ERAP1: variants seen among roughly 807,000 people sequenced by gnomAD.
The protein encoded by ERAP1 is endoplasmic reticulum aminopeptidase 1.
In ERAP1, 86 loss-of-function variants were observed where a neutral mutation model predicts 103.7. That is an observed-to-expected ratio of 0.83 (90% CI 0.70 to 0.99). The LOEUF is 0.99. Ranked by LOEUF, ERAP1 falls within the 50% of genes least tolerant of loss-of-function variation. The pLI, the probability that ERAP1 is intolerant of heterozygous loss-of-function variation, is 0.00. For synonymous variants in ERAP1, 398 were observed against 402.4 expected (o/e 0.99, Z 0.13); for missense variants, 1,009 against 1,128.4 (o/e 0.89, Z 1.52).
chr5:96,879,983 T>G, the ERAP1 span: 5 of 1,614,190 alleles, frequency 3.1e-6, no homozygotes, highest in Non-Finnish European at 4.2e-6. Flanking sequence ...GATCGAAGTC[T>G]TGGTCAGCAA....
chr5:96,813,038 T>G (rs1394039245), upstream of ERAP1, among the ~76,000 whole-genome samples: 1 of 152,094 alleles, frequency 6.6e-6, no homozygotes, highest in Non-Finnish European at 1.5e-5. Context: ...AACTAAGTGG[T>G]GGGAAGTGGA....
chr5:96,922,297 CA>C, the ERAP1 span, among the ~76,000 whole-genome samples: 1 of 151,560 alleles, frequency 6.6e-6, no homozygotes, highest in African/African-American at 2.4e-5. Context: ...GACTCCGTCT[CA>C]AAAAAACAAA....
chr5:96,923,610 C>T, the ERAP1 span, among the ~76,000 whole-genome samples: 7 of 150,178 alleles, frequency 4.7e-5, no homozygotes, highest in African/African-American at 1.7e-4. Flanking sequence ...AGGAGACTGG[C>T]GGGAACCCAG....
At chr5:96,910,416 T>C in the ERAP1 span, 1 of 152,092 alleles carries the variant, frequency 6.6e-6, no homozygotes, top group African/African-American at 2.4e-5. Context: ...TTTGGACTTT[T>C]TTTCCTTGTT....
chr5:96,767,351 C>A lies in ERAP1; in HGVS notation c.2819-4123G>T. On this transcript the variant is annotated intron_variant, in intron 19 of 19. Transcript: ENST00000296754. ...ACACTCCATTTTATCCAAGTCAAGT[C>A]ATGGGACAATAGATTCTCTACTGCC... is the stretch of plus-strand genomic sequence containing the variant. 4.7e-6 allele frequency: 5 copies of A among 1,060,630 alleles called. No homozygotes were observed. The South Asian group carries it at 5.4e-5, about 12-fold the overall frequency. The allele number at this position is 1,060,630 out of a possible 1,614,324, so 65.7% of individuals were successfully genotyped here.
intron 18 of ERAP1, chr5:96,779,583 C>G (rs754169307): frequency 2.0e-5 from 3 of 151,526 alleles, no homozygotes; most frequent in Non-Finnish European, 4.4e-5. Context: ...AATGGAACCA[C>G]TCCTAAAAAA....
chr5:96,926,789 C>T, the ERAP1 span, among the ~76,000 whole-genome samples: 5 of 152,132 alleles, frequency 3.3e-5, no homozygotes, highest in African/African-American at 1.2e-4. Context: ...AATAATGCAG[C>T]TATGAACATT....
At chr5:96,804,163 A>C (rs10043309) in intron 1 of ERAP1, among the ~76,000 whole-genome samples, 24,830 of 152,212 alleles carry the variant, frequency 0.16, 2,296 homozygotes, top group Non-Finnish European at 0.22. Flanking sequence ...ACTAGAAAGC[A>C]TCATTTGATG....
the ERAP1 span, among the ~76,000 whole-genome samples, chr5:96,906,913 A>G: frequency 2.9e-4 from 44 of 152,204 alleles, no homozygotes; most frequent in Admixed American, 2.6e-3. Flanking sequence ...GTGCCTTCCC[A>G]GCTACTTGGG....
the ERAP1 span, among the ~76,000 whole-genome samples, chr5:96,847,104 T>C: frequency 1.4e-5 from 2 of 146,500 alleles, no homozygotes; most frequent in Non-Finnish European, 3.0e-5. Flanking sequence ...AAAAAATAGC[T>C]GGACGTGGCT....
the ERAP1 span, among the ~76,000 whole-genome samples, chr5:96,914,400 C>T: frequency 6.6e-6 from 1 of 152,170 alleles, no homozygotes; most frequent in Non-Finnish European, 1.5e-5. Flanking sequence ...ATTTCCACTC[C>T]TCTCCCAAAT....
At chr5:96,873,248 C>T in the ERAP1 span, 1 of 412,200 alleles carries the variant, frequency 2.4e-6, no homozygotes, top group South Asian at 1.7e-5. Flanking sequence ...AAAGTCTCAT[C>T]TCTTTGGAAA....
intron 1 of ERAP1, chr5:96,805,652 G>A (rs1017419033): frequency 7.9e-5 from 12 of 152,268 alleles, no homozygotes; most frequent in African/African-American, 2.7e-4. Flanking sequence ...CACCACCCAG[G>A]TGAGACAGGA....
upstream of ERAP1, among the ~76,000 whole-genome samples, chr5:96,810,136 G>A (rs114089092): frequency 0.016 from 2,510 of 152,298 alleles, 61 homozygotes; most frequent in African/African-American, 0.057. Context: ...CGCCCTGGCC[G>A]TGATTTCGTC....
the ERAP1 span, among the ~76,000 whole-genome samples, chr5:96,865,284 C>T: frequency 6.6e-6 from 1 of 152,108 alleles, no homozygotes; most frequent in Non-Finnish European, 1.5e-5. Context: ...GATTAAAGTA[C>T]CCAACCAGAA....
In ERAP1 at chr5:96,781,813, G is replaced by A. The variant is rs1561668397; in HGVS notation, c.2327C>T (p.Ala776Val). ...DVTLAVFAVG[A>V]QSTEGWDFLY... ...AAAATCCCAGCCTTCTGTGCTCTGG[G>A]CCCCCACAGCAAACACTGCCAAGGT... Residue 776 changes from alanine (A) to valine (V), a missense_variant, in exon 16 of 19, where the codon GCC (alanine) becomes GTC (valine). This residue lies in a region of ERAP1 where 611 missense variants were observed against 651.7 expected (regional missense o/e 0.94). Coordinates refer to ENST00000443439, the MANE Select transcript of ERAP1 (RefSeq NM_001040458.3). 4 of 1,613,878 alleles carry A rather than the reference G, an allele frequency of 2.5e-6. No individual in the cohort carries two copies. The highest frequency in any genetic ancestry group is 4.5e-5 in the East Asian group (2 of 44,876).
chr5:96,809,198 A>G (rs1379109315), upstream of ERAP1, among the ~76,000 whole-genome samples: 1 of 152,082 alleles, frequency 6.6e-6, no homozygotes, highest in African/African-American at 2.4e-5. Context: ...TCCTTACTGC[A>G]ACCTGTTTTA....
chr5:96,876,404 C>T, the ERAP1 span: 2 of 152,266 alleles, frequency 1.3e-5, no homozygotes, highest in South Asian at 2.1e-4. Context: ...TTCACACCTG[C>T]GTGATAATGA....
chr5:96,926,780 A>G, the ERAP1 span, among the ~76,000 whole-genome samples: 1 of 152,120 alleles, frequency 6.6e-6, no homozygotes, highest in Non-Finnish European at 1.5e-5. Flanking sequence ...GCTATTGTGA[A>G]TAATGCAGCT....
Sources: allele counts gnomAD v4.1 joint callset (sites outside exome capture counted in the v4.1 genomes callset), GRCh38; gene constraint gnomAD v4.1.1; regional missense constraint gnomAD v4.1.1; transcripts MANE v1.5; gene names NCBI Gene and HGNC (gene_info 2026-07-23, HGNC 2026-07-21).